Variants in CCDC50 observed in about 807,000 individuals in gnomAD.
CCDC50 encodes coiled-coil domain-containing protein 50.
In CCDC50, 54 loss-of-function variants were observed where a neutral mutation model predicts 70.2. That is an observed-to-expected ratio of 0.77 (90% confidence interval 0.62 to 0.96). CCDC50 has a LOEUF of 0.96. Among genes scored for constraint, CCDC50 ranks in the 50% least tolerant of loss-of-function variants. The pLI is 0.00. For missense variants in CCDC50, 558 were observed against 578.7 expected (o/e 0.96, Z 0.37); for synonymous variants, 216 against 198.8 (o/e 1.09, Z -0.73).
intron 1 of CCDC50, among the ~76,000 whole-genome samples, chr3:191,340,527 A>G (rs938512550): frequency 6.6e-6 from 1 of 152,202 alleles, no homozygotes; most frequent in Non-Finnish European, 1.5e-5. Context: ...TCTACTCAAC[A>G]GTTTTCCTTC....
chr3:191,370,068 C>G, intron 5 of CCDC50, 32 bp downstream of exon 5: 1 of 1,424,602 alleles, frequency 7.0e-7, no homozygotes, highest in Non-Finnish European at 9.9e-7. Context: ...TCTATTCTAT[C>G]CTTAGACTCA....
chr3:191,375,741 T>C (rs1416119069), intron 6 of CCDC50, 152 bp downstream of exon 6: 6 of 830,598 alleles, frequency 7.2e-6, no homozygotes, highest in Non-Finnish European at 1.1e-5. Context: ...ATAAAAGGTA[T>C]ACACTTAATC....
intron 1 of CCDC50, among the ~76,000 whole-genome samples, chr3:191,338,892 C>T (rs1245184181): frequency 6.6e-6 from 1 of 152,082 alleles, no homozygotes; most frequent in Non-Finnish European, 1.5e-5. Flanking sequence ...TTTTTGTACA[C>T]GTTCCAGTAA....
At chr3:191,376,341 T>C (rs1038887778) in intron 6 of CCDC50, among the ~76,000 whole-genome samples, 1 of 152,208 alleles carries the variant, frequency 6.6e-6, no homozygotes, top group Non-Finnish European at 1.5e-5. Flanking sequence ...GGTAAGTTCT[T>C]GGTACCTATA....
intron 1 of CCDC50, 107 bp downstream of exon 1, chr3:191,329,830 C>T: frequency 8.5e-7 from 1 of 1,180,132 alleles, no homozygotes; most frequent in Non-Finnish European, 1.2e-6. Context: ...TCGCCCGGTG[C>T]CCGCCCTGCG....
At position 191,378,567 on chromosome 3, in the gene CCDC50, T is replaced by G. The variant is rs928124214; in HGVS notation, c.977-1592T>G. ...ATCATTTTTTCTATAGATTGGAACA[T>G]GGTTTATATAGCAGACTATCTTGTC... On this transcript the variant is annotated intron_variant, in intron 6 of 11. Coordinates refer to ENST00000392455, the MANE Select transcript of CCDC50 (RefSeq NM_178335.3). Among the ~76,000 whole-genome samples, 3 of 152,084 alleles carry G rather than the reference T, an allele frequency of 2.0e-5. No individual in the cohort carries two copies. In the South Asian group the frequency reaches 6.2e-4, roughly 32 times the overall value.
In CCDC50 at chr3:191,370,389, G is replaced by A. The variant is rs193296928; in HGVS notation, c.448+353G>A. The A allele has an allele frequency of 1.2e-3, 308 of 265,128 alleles. 1 individual carries two copies. Among genetic ancestry groups the A allele is most frequent in the African/African-American group, 8.3e-3 (291 of 35,138 alleles). 16.4% of individuals were successfully genotyped at this position (265,128 alleles called of 1,614,324 possible). A position where few individuals can be genotyped will look rare whatever the true frequency, so the allele number is the denominator to read the frequency against. ...CTCCCCCCACCCCACAACAGGCCCC[G>A]GTGTGTGATGTTTGCCTTCCTGTAT... is the stretch of plus-strand genomic sequence containing the variant. On this transcript the variant is annotated intron_variant, in intron 5 of 11. Coordinates refer to ENST00000392455, the MANE Select transcript of CCDC50 (RefSeq NM_178335.3).
At chr3:191,367,721 T>A (rs888114384) in intron 4 of CCDC50, among the ~76,000 whole-genome samples, 8 of 152,100 alleles carry the variant, frequency 5.3e-5, no homozygotes, top group Admixed American at 4.6e-4. Flanking sequence ...TAATTTTCCT[T>A]TATATTTTTT....
chr3:191,371,563 G>C (rs1326674886), intron 5 of CCDC50, among the ~76,000 whole-genome samples: 2 of 152,158 alleles, frequency 1.3e-5, no homozygotes, highest in Non-Finnish European at 2.9e-5. Context: ...AGGTAAATAT[G>C]TGTTTCTCTG....
chr3:191,389,618 A>G lies in CCDC50; in HGVS notation c.1429+16A>G, dbSNP rs775759174. On this transcript the variant is annotated intron_variant, in intron 11 of 11. Coordinates refer to ENST00000392455, the MANE Select transcript of CCDC50 (RefSeq NM_178335.3). ...TCTCATAAAGGTAAGAAGAGTATGT[A>G]TGGTCAAGTTTAGGATCTTCTTTTT... The G allele has an allele frequency of 4.4e-6, 7 of 1,575,740 alleles. No individual in the cohort carries two copies. In the Admixed American group the frequency reaches 5.0e-5, roughly 11 times the overall value.
Position 191,348,530 on chromosome 3 carries a change from A to G in CCDC50, c.50-8558A>G, listed in dbSNP as rs956020362. Among the ~76,000 whole-genome samples, 4 of 142,266 alleles carry G rather than the reference A, an allele frequency of 2.8e-5. 1 individual carries two copies. The highest frequency in any genetic ancestry group is 5.0e-5 in the African/African-American group (2 of 39,836). 93.3% of individuals were successfully genotyped at this position (142,266 alleles called of 152,430 possible). A position where few individuals can be genotyped will look rare whatever the true frequency, so the allele number is the denominator to read the frequency against. On this transcript the variant is annotated intron_variant, in intron 1 of 11. Coordinates refer to ENST00000392455, the MANE Select transcript of CCDC50 (RefSeq NM_178335.3). ...AGTCTAGTAGTGGGATTATTATACT[A>G]AGGATAATAACTACAAGACAGTGCA...
chr3:191,358,875 T>C (rs541490186), intron 3 of CCDC50, among the ~76,000 whole-genome samples: 3 of 152,324 alleles, frequency 2.0e-5, no homozygotes, highest in African/African-American at 7.2e-5. Flanking sequence ...TTAATTTACT[T>C]CAGTGTCATA....
chr3:191,329,836 C>G (rs1031590438), intron 1 of CCDC50, 113 bp downstream of exon 1: 2 of 1,059,576 alleles, frequency 1.9e-6, no homozygotes, highest in Non-Finnish European at 1.4e-6. Flanking sequence ...GGTGCCCGCC[C>G]TGCGTTGGCC....
chr3:191,358,177 G>A, intron 3 of CCDC50, 53 bp downstream of exon 3: 2 of 1,610,090 alleles, frequency 1.2e-6, no homozygotes, highest in Non-Finnish European at 1.7e-6. Flanking sequence ...TCTCTGTGGA[G>A]CTAGCAACCA....
At position 191,357,994 on chromosome 3, in the gene CCDC50, C is replaced by G. The variant is rs145892736; in HGVS notation, c.113-4C>G. 102 of 1,613,832 alleles carry G rather than the reference C, an allele frequency of 6.3e-5. No homozygotes were observed. Among genetic ancestry groups the G allele is most frequent in the Middle Eastern group, 1.7e-4 (1 of 6,058 alleles). ...CATTCCTGTCCTCAATCTTTTTGTT[C>G]CAGTTGAGCATCATTTGGCATCGAA... is the stretch of plus-strand genomic sequence containing the variant. On this transcript the variant is annotated splice_polypyrimidine_tract_variant and splice_region_variant and intron_variant, in intron 2 of 11. Transcript: ENST00000392455.
At chr3:191,391,217 C>T (rs1560174270) in intron 11 of CCDC50, among the ~76,000 whole-genome samples, 1 of 152,106 alleles carries the variant, frequency 6.6e-6, no homozygotes, top group Non-Finnish European at 1.5e-5. Flanking sequence ...CCCCAAATAT[C>T]TTTAAATAAC....
chr3:191,368,410 G>A (rs543642558), intron 4 of CCDC50, among the ~76,000 whole-genome samples: 1 of 152,104 alleles, frequency 6.6e-6, no homozygotes, highest in South Asian at 2.1e-4. Flanking sequence ...ATATGTGTCA[G>A]TTAAAAGTGT....
At chr3:191,334,994 C>T (rs1718095191) in intron 1 of CCDC50, among the ~76,000 whole-genome samples, 1 of 152,148 alleles carries the variant, frequency 6.6e-6, no homozygotes, top group Non-Finnish European at 1.5e-5. Context: ...AAATGCATGT[C>T]TTCTCTGGTA....
chr3:191,389,317 C>T (rs1040115365), intron 10 of CCDC50, among the ~76,000 whole-genome samples, 179 bp from the exon 11 acceptor site: 1 of 152,106 alleles, frequency 6.6e-6, no homozygotes, highest in East Asian at 1.9e-4. Flanking sequence ...AACAAAGGAA[C>T]GGGAAGATAA....
Sources: gnomAD v4.1 joint callset for allele counts (sites outside exome capture counted in the v4.1 genomes callset) on GRCh38, gnomAD v4.1.1 for gene constraint, MANE v1.5 for transcripts, NCBI Gene and HGNC (gene_info 2026-07-23, HGNC 2026-07-21) for gene names.